The following RABGAP1L variants were observed in gnomAD, a reference collection of about 807,000 sequenced individuals.
RABGAP1L encodes the protein rab GTPase-activating protein 1-like.
In RABGAP1L, 63 loss-of-function variants were observed where a neutral mutation model predicts 137.7. The observed-to-expected ratio is 0.46, with a 90% confidence interval of 0.37 to 0.56. RABGAP1L has a LOEUF of 0.56. Among genes scored for constraint, RABGAP1L ranks in the 20% least tolerant of loss-of-function variants. The pLI is 0.00. For missense variants in RABGAP1L, 1,095 were observed against 1,244.0 expected (o/e 0.88, Z 1.80); for synonymous variants, 431 against 433.7 (o/e 0.99, Z 0.08).
intron 19 of RABGAP1L, among the ~76,000 whole-genome samples, chr1:174,924,385 CAAAAAAAAAAAA>C (rs10688718): frequency 1.4e-5 from 1 of 70,130 alleles, no homozygotes. Flanking sequence ...GACTCTGTCT[CAAAAAAAAAAAA>C]AAAAAAAAAG....
At chr1:174,478,100 A>G (rs1658692648) in intron 13 of RABGAP1L, among the ~76,000 whole-genome samples, 1 of 152,092 alleles carries the variant, frequency 6.6e-6, no homozygotes, top group South Asian at 2.1e-4. Flanking sequence ...ATATTTATCT[A>G]GTATATGCAT....
intron 13 of RABGAP1L, among the ~76,000 whole-genome samples, chr1:174,529,072 G>A (rs985729140): frequency 1.3e-5 from 2 of 149,208 alleles, no homozygotes; most frequent in Non-Finnish European, 3.0e-5. Flanking sequence ...TTTGTTTTCA[G>A]AATTCTCTTA....
intron 1 of RABGAP1L, among the ~76,000 whole-genome samples, chr1:174,185,772 T>C (rs1666748474): frequency 6.6e-6 from 1 of 152,170 alleles, no homozygotes; most frequent in African/African-American, 2.4e-5. Flanking sequence ...GTAATTGTAC[T>C]TTGATATATT....
At chr1:174,954,048 C>T (rs548138072) in intron 19 of RABGAP1L, 2 of 152,224 alleles carry the variant, frequency 1.3e-5, no homozygotes, top group South Asian at 4.1e-4. Flanking sequence ...TTTCTTTCTC[C>T]AGAAAGAAAA....
At chr1:174,372,649 T>A (rs1327002552) in intron 12 of RABGAP1L, among the ~76,000 whole-genome samples, 3 of 152,184 alleles carry the variant, frequency 2.0e-5, no homozygotes, top group Non-Finnish European at 2.9e-5. Context: ...TGTAACCATA[T>A]GTGACTCAGA....
At chr1:174,182,124 G>A (rs551970327) in intron 1 of RABGAP1L, among the ~76,000 whole-genome samples, 20 of 151,954 alleles carry the variant, frequency 1.3e-4, no homozygotes, top group Non-Finnish European at 2.5e-4. Context: ...TGTGTCCTCC[G>A]TGGACTGTTG....
chr1:174,340,771 C>A (rs1409331734), intron 11 of RABGAP1L, among the ~76,000 whole-genome samples: 1 of 152,126 alleles, frequency 6.6e-6, no homozygotes, highest in Non-Finnish European at 1.5e-5. Flanking sequence ...GATTTATATT[C>A]TTTTGGGTAT....
intron 13 of RABGAP1L, among the ~76,000 whole-genome samples, chr1:174,419,511 ATTTTC>A (rs1230119598): frequency 1.3e-5 from 2 of 152,124 alleles, no homozygotes; most frequent in Non-Finnish European, 2.9e-5. Flanking sequence ...ATATCTTACT[ATTTTC>A]TTTAAAACAG....
intron 9 of RABGAP1L, 37 bp downstream of exon 9, chr1:174,275,972 A>G: frequency 6.6e-7 from 1 of 1,526,558 alleles, no homozygotes; most frequent in Non-Finnish European, 9.0e-7. Context: ...TGTTTGCTTT[A>G]CATTTTATAT....
At chr1:174,447,580 G>A (rs2149248032) in intron 13 of RABGAP1L, among the ~76,000 whole-genome samples, 1 of 152,198 alleles carries the variant, frequency 6.6e-6, no homozygotes, top group Non-Finnish European at 1.5e-5. Context: ...AAATATGAAT[G>A]CATTTTTCAT....
chr1:174,948,029 T>G (rs533075165), intron 19 of RABGAP1L, among the ~76,000 whole-genome samples: 1 of 152,232 alleles, frequency 6.6e-6, no homozygotes, highest in East Asian at 1.9e-4. Flanking sequence ...GCCTGTCTCT[T>G]CTCCCTTTCT....
intron 19 of RABGAP1L, among the ~76,000 whole-genome samples, chr1:174,830,068 C>T (rs930815876): frequency 6.8e-6 from 1 of 148,068 alleles, no homozygotes; most frequent in South Asian, 2.2e-4. Context: ...CAGCTTAGAA[C>T]AGGGCCCCTC....
At chr1:174,212,587 A>C (rs1668980723) in intron 1 of RABGAP1L, among the ~76,000 whole-genome samples, 1 of 152,160 alleles carries the variant, frequency 6.6e-6, no homozygotes, top group South Asian at 2.1e-4. Flanking sequence ...TACATCAAAA[A>C]AGAAGAAAAA....
chr1:174,285,885 T>C, intron 10 of RABGAP1L, among the ~76,000 whole-genome samples: 1 of 152,184 alleles, frequency 6.6e-6, no homozygotes, highest in East Asian at 1.9e-4. Context: ...TTATCACATT[T>C]ATTGATTTGT....
chr1:174,615,738 G>C (rs1041104080), intron 13 of RABGAP1L, among the ~76,000 whole-genome samples: 3 of 152,162 alleles, frequency 2.0e-5, no homozygotes, highest in African/African-American at 7.2e-5. Flanking sequence ...CATCCAGTTC[G>C]AGCTTCCCGG....
At chr1:174,463,427 C>A (rs1656932160) in intron 13 of RABGAP1L, among the ~76,000 whole-genome samples, 1 of 151,730 alleles carries the variant, frequency 6.6e-6, no homozygotes, top group South Asian at 2.1e-4. Flanking sequence ...AAACCAAACA[C>A]CGCATGTTCT....
chr1:174,862,410 A>G (rs987335624), intron 19 of RABGAP1L, among the ~76,000 whole-genome samples: 1 of 152,166 alleles, frequency 6.6e-6, no homozygotes, highest in Non-Finnish European at 1.5e-5. Flanking sequence ...TGTTAGTAGT[A>G]GTAATTGGGG....
intron 1 of RABGAP1L, among the ~76,000 whole-genome samples, chr1:174,202,866 A>G (rs1571526859): frequency 6.6e-6 from 1 of 152,226 alleles, no homozygotes; most frequent in African/African-American, 2.4e-5. Context: ...AGCTTTCTAC[A>G]TATGGCTAGC....
intron 15 of RABGAP1L, among the ~76,000 whole-genome samples, 184 bp downstream of exon 15, chr1:174,683,780 A>G (rs1017935683): frequency 6.6e-6 from 1 of 152,208 alleles, no homozygotes; most frequent in Non-Finnish European, 1.5e-5. Flanking sequence ...CAGTTTCTCA[A>G]TGGAATTAGT....
Sources: allele counts gnomAD v4.1 joint callset (sites outside exome capture counted in the v4.1 genomes callset), GRCh38; gene constraint gnomAD v4.1.1; transcripts MANE v1.5; gene names NCBI Gene and HGNC (gene_info 2026-07-23, HGNC 2026-07-21).